DOP1A: variants seen among roughly 807,000 people sequenced by gnomAD.
The protein encoded by DOP1A is DOP1 leucine zipper like protein A, also known as protein DOP1A.
A neutral mutation model predicts 267.6 loss-of-function variants in DOP1A; 90 were observed. The observed-to-expected ratio is 0.34, with a 90% confidence interval of 0.28 to 0.40. The LOEUF (loss-of-function observed/expected upper bound fraction) is 0.40. Ranked by LOEUF, DOP1A falls within the 10% of genes least tolerant of loss-of-function variation. The probability of loss-of-function intolerance (pLI) is 1.00; values close to 1 mark genes in which losing one functional copy is unlikely to be tolerated. For missense variants in DOP1A, 2,437 were observed against 2,900.4 expected (o/e 0.84, Z 3.67); for synonymous variants, 932 against 999.1 (o/e 0.93, Z 1.27).
At position 83,137,808 on chromosome 6, in the gene DOP1A, A is replaced by T; in HGVS notation, c.3766A>T (p.Ile1256Leu). 1 of 1,613,906 alleles carries T rather than the reference A, an allele frequency of 6.2e-7. No homozygotes were observed. The highest frequency in any genetic ancestry group is 8.5e-7 in the Non-Finnish European group (1 of 1,179,880). The change falls in exon 21 of 39, where the codon ATA becomes TTA. Residue 1256 changes from isoleucine to leucine, a missense_variant. Around this residue, in one of 9 missense-constraint regions of DOP1A, gnomAD observed 878 missense variants for 992.9 expected, o/e 0.88. Coordinates refer to ENST00000349129, the MANE Select transcript of DOP1A (RefSeq NM_015018.4). ...TCTTCATGACTCTTCTGTTGCTTCC[A>T]TAGAAACCAAATCTAGACAAAGGAG... ...HTLHDSSVAS[I>L]ETKSRQRSHS...
At position 83,098,981 on chromosome 6, in the gene DOP1A, A is replaced by G. The variant is rs1772021728; in HGVS notation, c.139-1724A>G. Among the ~76,000 whole-genome samples the G allele has an allele frequency of 2.6e-5, 4 of 152,304 alleles. No individual in the cohort carries two copies. In the South Asian group the frequency reaches 8.3e-4, roughly 32 times the overall value. On this transcript the variant is annotated intron_variant, in intron 3 of 38. Transcript: ENST00000349129. ...GGGTCTTTGACCTACAATGAGACCAAGTAGTCCAGAGAATTTTGTTACGGC... is the reference window on the plus strand; with the variant it reads ...GGGTCTTTGACCTACAATGAGACCAGGTAGTCCAGAGAATTTTGTTACGGC...
intron 32 of DOP1A, 42 bp from the exon 33 acceptor site, chr6:83,154,138 A>G: frequency 6.2e-7 from 1 of 1,611,352 alleles, no homozygotes; most frequent in Non-Finnish European, 8.5e-7. Flanking sequence ...GTTCTTTAAC[A>G]GTAACAACAT....
Position 83,142,133 on chromosome 6 carries a change from C to T in DOP1A, c.5541+87C>T, listed in dbSNP as rs542462488. The T allele has an allele frequency of 8.8e-6, 13 of 1,484,452 alleles. No homozygotes were observed. In the African/African-American group the frequency reaches 1.0e-4, roughly 12 times the overall value. 92.0% of individuals were successfully genotyped at this position (1,484,452 alleles called of 1,614,324 possible). A position where few individuals can be genotyped will look rare whatever the true frequency, so the allele number is the denominator to read the frequency against. On this transcript the variant is annotated intron_variant, in intron 24 of 38. Transcript: ENST00000349129. The stretch of plus-strand genomic sequence containing the variant: ...ACTTCTCCATATATTGCAGTGGGGC[C>T]GGGGTAGATTCGAGTGTAAAGCAAA...
intron 38 of DOP1A, among the ~76,000 whole-genome samples, chr6:83,163,269 C>T (rs186462470): frequency 1.3e-5 from 2 of 152,032 alleles, no homozygotes; most frequent in African/African-American, 2.4e-5. Flanking sequence ...GAACACTCTT[C>T]GTGTCAAAAA....
rs1239558183 is a variant in DOP1A at position 83,153,634 on chromosome 6, TTAAA to T, written c.6239+17_6239+20del. The stretch of plus-strand genomic sequence containing the variant: ...CAGAAATCACAGGTACTATCATTAT[TTAAA>T]TAGTTTTTAAAATTAATTCATAGCC... On this transcript the variant is annotated intron_variant, in intron 31 of 38. Coordinates refer to ENST00000349129, the MANE Select transcript of DOP1A (RefSeq NM_015018.4). 18 of 1,540,086 alleles carry T rather than the reference TTAAA, an allele frequency of 1.2e-5. No homozygotes were observed. The highest frequency in any genetic ancestry group is 1.4e-5 in the Non-Finnish European group (16 of 1,137,622).
downstream of DOP1A, chr6:83,170,800 G>C (rs746834444): frequency 5.2e-6 from 1 of 191,976 alleles, no homozygotes; most frequent in Non-Finnish European, 1.1e-5. Flanking sequence ...TAAGAAGACC[G>C]ATAAGAATTT....
At position 83,110,270 on chromosome 6, in the gene DOP1A, A is replaced by G. The variant is rs373876840; in HGVS notation, c.637A>G (p.Met213Val). The G allele has an allele frequency of 1.2e-6, 2 of 1,613,936 alleles. No homozygotes were observed. Among genetic ancestry groups the G allele is most frequent in the Admixed American group, 1.7e-5 (1 of 60,000 alleles). The change falls in exon 6 of 39, where the codon ATG becomes GTG. Residue 213 changes from methionine (M) to valine (V), a missense_variant. By Grantham distance (21) the Met-to-Val change is conservative (BLOSUM62 1). Transcript: ENST00000349129. ...VLAHLNRKLS[M>V]EDQLYIIGSD... is the part of the protein sequence containing the mutation. ...TGCCCATTTAAACAGGAAGCTTTCTATGGAAGATCAACTTTATATAATTGG... is the reference window on the plus strand; with the variant it reads ...TGCCCATTTAAACAGGAAGCTTTCTGTGGAAGATCAACTTTATATAATTGG...
Position 83,118,905 on chromosome 6 carries a change from G to A in DOP1A, c.798G>A (p.Met266Ile). Residue 266 changes from methionine to isoleucine, a missense_variant, in exon 8 of 39, where the codon ATG (methionine) becomes ATA (isoleucine). This residue lies in a region of DOP1A where 251 missense variants were observed against 359.1 expected (regional missense o/e 0.70). Coordinates refer to ENST00000349129, the MANE Select transcript of DOP1A (RefSeq NM_015018.4). ...FHMSQATRPD[M>I]IRILSAALHV... is the part of the protein sequence containing the mutation. ...TCTTTCAGGCCACTCGACCGGATAT[G>A]ATCAGGATCTTGTCAGCAGCCCTTC... 6.2e-7 allele frequency: 1 copy of A among 1,613,596 alleles called. No individual in the cohort carries two copies. Among genetic ancestry groups the A allele is most frequent in the South Asian group, 1.1e-5 (1 of 91,070 alleles).
At position 83,130,140 on chromosome 6, in the gene DOP1A, C is replaced by T. The variant is rs773239400; in HGVS notation, c.2359C>T (p.Pro787Ser). The T allele has an allele frequency of 6.8e-6, 11 of 1,613,684 alleles. No individual in the cohort carries two copies. The Admixed American group carries it at 1.8e-4, about 27-fold the overall frequency. ...KLETDCEHVQ[P>S]PQWLQTLMNA... The stretch of plus-strand genomic sequence containing the variant: ...TGTTTCAGACTGTGAGCATGTGCAG[C>T]CTCCACAGTGGCTCCAGACTCTGAT... Residue 787 changes from proline (P) to serine (S), a missense_variant, in exon 17 of 39, where the codon CCT becomes TCT. Pro to Ser is a moderately conservative substitution (Grantham distance 74, BLOSUM62 -1). Transcript: ENST00000349129.
At chr6:83,169,175 T>C, downstream of DOP1A, 4 of 1,598,800 alleles carry the variant, frequency 2.5e-6, no homozygotes, top group South Asian at 2.2e-5. Context: ...GCCATTATTA[T>C]TGACAGTTTT....
At chr6:83,148,568 C>T (rs1327605500) in intron 26 of DOP1A, among the ~76,000 whole-genome samples, 191 bp from the exon 27 acceptor site, 1 of 152,112 alleles carries the variant, frequency 6.6e-6, no homozygotes, top group Non-Finnish European at 1.5e-5. Context: ...AATTCCATCT[C>T]TGTTTTAAAA....
intron 7 of DOP1A, among the ~76,000 whole-genome samples, chr6:83,115,305 A>G (rs1315043368): frequency 6.6e-6 from 1 of 152,220 alleles, no homozygotes; most frequent in Non-Finnish European, 1.5e-5. Context: ...CCTGTACAAC[A>G]TGATGTTTGA....
intron 15 of DOP1A, among the ~76,000 whole-genome samples, chr6:83,126,972 A>C (rs914218744): frequency 8.6e-5 from 13 of 152,024 alleles, no homozygotes; most frequent in African/African-American, 2.9e-4. Context: ...TCGGGGATGA[A>C]ATCATAGGGA....
At chr6:83,151,775 TCAAC>T in intron 28 of DOP1A, 104 bp from the exon 29 acceptor site, 4 of 1,429,922 alleles carry the variant, frequency 2.8e-6, no homozygotes, top group Non-Finnish European at 3.8e-6. Context: ...TCTATGGGAA[TCAAC>T]AAGTCTATTG....
chr6:83,076,382 C>T (rs1295951367), intron 1 of DOP1A, among the ~76,000 whole-genome samples: 2 of 152,106 alleles, frequency 1.3e-5, no homozygotes, highest in East Asian at 1.9e-4. Context: ...ATTAGCTGGG[C>T]GTGGTGGTGC....
At chr6:83,167,470 G>A in intron 38 of DOP1A, 1 of 991,292 alleles carries the variant, frequency 1.0e-6, no homozygotes, top group South Asian at 4.6e-5. Flanking sequence ...AAAGCACTTT[G>A]TTCCTTTTTT....
intron 10 of DOP1A, among the ~76,000 whole-genome samples, 154 bp from the exon 11 acceptor site, chr6:83,121,776 T>G (rs181572460): frequency 7.2e-5 from 11 of 151,968 alleles, no homozygotes; most frequent in Admixed American, 2.0e-4. Flanking sequence ...TTATATTACC[T>G]TCTCAAAGAA....
At chr6:83,164,405 C>G (rs1356280925) in intron 38 of DOP1A, among the ~76,000 whole-genome samples, 2 of 151,812 alleles carry the variant, frequency 1.3e-5, no homozygotes, top group Non-Finnish European at 2.9e-5. Flanking sequence ...AATCCAGAAG[C>G]AAATATGACC....
chr6:83,125,615 G>C lies in DOP1A; in HGVS notation c.1601G>C (p.Arg534Thr). 1 of 1,613,816 alleles carries C rather than the reference G, an allele frequency of 6.2e-7. No individual in the cohort carries two copies. The highest frequency in any genetic ancestry group is 8.5e-7 in the Non-Finnish European group (1 of 1,179,814). The change falls in exon 15 of 39, where the codon AGA (arginine) becomes ACA (threonine). Residue 534 changes from arginine to threonine, a missense_variant. Arg to Thr is a moderately conservative substitution (Grantham distance 71). Around this residue, in one of 9 missense-constraint regions of DOP1A, gnomAD observed 498 missense variants for 513.5 expected, o/e 0.97. Transcript: ENST00000349129. The part of the protein sequence containing the change: ...LHLSELTDSL[R>T]LCSKILSKVQ... ...TTATCTGAACTCACAGATTCTCTCA[G>C]ACTCTGCTCAAAGATCCTTAGCAAG...
Sources: gnomAD v4.1 joint callset for allele counts (sites outside exome capture counted in the v4.1 genomes callset) on GRCh38, gnomAD v4.1.1 for gene constraint, gnomAD v4.1.1 regional missense constraint, MANE v1.5 for transcripts, NCBI Gene and HGNC (gene_info 2026-07-23, HGNC 2026-07-21) for gene names.